Variants in PODN observed in about 807,000 individuals in gnomAD.
PODN encodes podocan proteoglycan.
PODN carries 40 observed loss-of-function variants against 52.7 expected under a neutral mutation model. That is an observed-to-expected ratio of 0.76 (90% CI 0.59 to 0.99). The LOEUF is 0.99. Ranked by LOEUF, PODN falls within the 50% of genes least tolerant of loss-of-function variation. The probability of loss-of-function intolerance (pLI) is 0.00; values close to 1 mark genes in which losing one functional copy is unlikely to be tolerated. For synonymous variants in PODN, 396 were observed against 377.9 expected, an observed-to-expected ratio of 1.05 and a Z score of -0.56; for missense variants, 720 against 815.1, an observed-to-expected ratio of 0.88 and a Z score of 1.42.
At chr1:53,081,369 G>T (rs781538698) in intron 9 of PODN, among the ~76,000 whole-genome samples, 1 of 152,204 alleles carries the variant, frequency 6.6e-6, no homozygotes, top group Non-Finnish European at 1.5e-5. Context: ...CACAATCCCT[G>T]CCCCCAAATC....
intron 1 of PODN, among the ~76,000 whole-genome samples, chr1:53,066,492 G>T (rs1426522008): frequency 6.6e-6 from 1 of 152,062 alleles, no homozygotes; most frequent in Admixed American, 6.5e-5. Context: ...ATCTCCATGT[G>T]GACCAGCCAC....
intron 1 of PODN, among the ~76,000 whole-genome samples, chr1:53,064,027 C>T (rs977696284): frequency 4.6e-5 from 7 of 152,218 alleles, no homozygotes; most frequent in Non-Finnish European, 8.8e-5. Context: ...GGAGAACTCC[C>T]GCTCAGTCTT....
At position 53,077,612 on chromosome 1, in the gene PODN, C is replaced by T. The variant is rs1644214661; in HGVS notation, c.739-73C>T. ...TGGTGGCTTCCCAGACTCCTCTCCACACCTCATCCCGAGGCCCTGACCTTG... is the reference window on the plus strand; with the variant it reads ...TGGTGGCTTCCCAGACTCCTCTCCATACCTCATCCCGAGGCCCTGACCTTG... On this transcript the variant is annotated intron_variant, in intron 6 of 10. Coordinates refer to ENST00000312553, the MANE Select transcript of PODN (RefSeq NM_153703.5). The T allele has an allele frequency of 5.6e-6, 8 of 1,423,472 alleles. No homozygotes were observed. In the South Asian group the frequency reaches 6.5e-5, roughly 11 times the overall value. The allele number at this position is 1,423,472 out of a possible 1,614,324, so 88.2% of individuals were successfully genotyped here.
chr1:53,063,188 G>A (rs1643984202), intron 1 of PODN, among the ~76,000 whole-genome samples: 1 of 152,230 alleles, frequency 6.6e-6, no homozygotes, highest in Non-Finnish European at 1.5e-5. Context: ...AGCCTCGGGG[G>A]CTGGGGCTAG....
At position 53,064,326 on chromosome 1, in the gene PODN, G is replaced by T. The variant is rs528139125; in HGVS notation, c.-56+2018G>T. On this transcript the variant is annotated intron_variant, in intron 1 of 10. Coordinates refer to ENST00000312553, the MANE Select transcript of PODN (RefSeq NM_153703.5). ...GAAACACCCTAACCCAGCCAAGGGGGCAGGAGAGGCTTCCCTGAGCAGGGG... is the reference window on the plus strand; with the variant it reads ...GAAACACCCTAACCCAGCCAAGGGGTCAGGAGAGGCTTCCCTGAGCAGGGG... Among the ~76,000 whole-genome samples, 33 of 152,360 alleles carry T rather than the reference G, an allele frequency of 2.2e-4. No homozygotes were observed. The South Asian group carries it at 6.4e-3, about 30-fold the overall frequency.
At chr1:53,075,646 T>C (rs1379174293) in intron 4 of PODN, among the ~76,000 whole-genome samples, 3 of 152,174 alleles carry the variant, frequency 2.0e-5, no homozygotes, top group Non-Finnish European at 2.9e-5. Context: ...AGGGGACAAG[T>C]CCTGAGGGCC....
At chr1:53,079,999 T>TAAA (rs5774134) in intron 8 of PODN, among the ~76,000 whole-genome samples, 1 of 106,150 alleles carries the variant, frequency 9.4e-6, no homozygotes, top group Admixed American at 1.0e-4. Context: ...TGTCTCAAAT[T>TAAA]AAAAAAAAAA....
At chr1:53,070,428 G>T (rs1460103848) in intron 2 of PODN, among the ~76,000 whole-genome samples, 2 of 152,230 alleles carry the variant, frequency 1.3e-5, no homozygotes, top group Non-Finnish European at 2.9e-5. Context: ...TCCAGGCTGG[G>T]CCCAGTAAGT....
At chr1:53,078,179 G>T (rs369129867) in intron 7 of PODN, among the ~76,000 whole-genome samples, 186 bp from the exon 8 acceptor site, 1 of 152,154 alleles carries the variant, frequency 6.6e-6, no homozygotes, top group Non-Finnish European at 1.5e-5. Flanking sequence ...AGAAAATGCC[G>T]GATCCTTCCT....
rs377622392 is a variant in PODN at position 53,077,357 on chromosome 1, G to A, written c.738+11G>A. On this transcript the variant is annotated intron_variant, in intron 6 of 10. Transcript: ENST00000312553. ...AAGCTGCACCTCAAGGTGGGCAGGG[G>A]AGGGGTAAGGAGGGGCACAGCAGAC... 19 of 1,612,168 alleles carry A rather than the reference G, an allele frequency of 1.2e-5. No individual in the cohort carries two copies. The highest frequency in any genetic ancestry group is 1.5e-5 in the Non-Finnish European group (18 of 1,179,602).
In PODN at chr1:53,082,102, T is replaced by C. The variant is rs142374373; in HGVS notation, c.1783T>C (p.Leu595=). 127 of 1,613,308 alleles carry C rather than the reference T, an allele frequency of 7.9e-5. No individual in the cohort carries two copies. The highest frequency in any genetic ancestry group is 1.0e-4 in the Non-Finnish European group (121 of 1,179,878). Reference sequence around the variant, plus strand: ...TGACATTTCCAAGGACCGTGGCCGCTTGGGGAAGGAAAAGGAGGAGGAGGA... The same window carrying C: ...TGACATTTCCAAGGACCGTGGCCGCCTGGGGAAGGAAAAGGAGGAGGAGGA... ...FGDISKDRGR[L]GKEKEEEEEE... Residue 595 remains leucine, a synonymous_variant, in exon 10 of 11, where the codon TTG becomes CTG. Transcript: ENST00000312553.
rs369421375 is a variant in PODN, at chr1:53,080,106, C to T, written c.1513-622C>T. On this transcript the variant is annotated intron_variant, in intron 8 of 10. Coordinates refer to ENST00000312553, the MANE Select transcript of PODN (RefSeq NM_153703.5). Reference sequence around the variant, plus strand: ...TGGCTTCAGCGGCTCCCTGTGGGAACCCACTTTCCTGACTGCCCTCCCCTG... The same window carrying T: ...TGGCTTCAGCGGCTCCCTGTGGGAATCCACTTTCCTGACTGCCCTCCCCTG... Among the ~76,000 whole-genome samples the T allele has an allele frequency of 2.6e-5, 4 of 152,278 alleles. 1 individual carries two copies. Among genetic ancestry groups the T allele is most frequent in the African/African-American group, 9.6e-5 (4 of 41,544 alleles).
intron 1 of PODN, among the ~76,000 whole-genome samples, chr1:53,068,636 C>T (rs1233504224): frequency 3.9e-5 from 6 of 152,252 alleles, no homozygotes; most frequent in South Asian, 4.1e-4. Flanking sequence ...GTACAGACAA[C>T]GAAACTGAGG....
chr1:53,077,503 G>A lies in PODN; in HGVS notation c.738+157G>A, dbSNP rs1160763475. ...CAAGGAGTCTACTGTGGAGAAGTGG[G>A]CAGAAACCCGGGCACCTGGCCAGTG... On this transcript the variant is annotated intron_variant, in intron 6 of 10. Transcript: ENST00000312553. Among the ~76,000 whole-genome samples the A allele has an allele frequency of 1.8e-4, 27 of 152,180 alleles. 1 individual carries two copies. The highest frequency in any genetic ancestry group is 1.8e-3 in the Admixed American group (27 of 15,290).
chr1:53,074,796 A>G (rs1572268207), intron 4 of PODN, 126 bp downstream of exon 4: 19 of 296,122 alleles, frequency 6.4e-5, no homozygotes, highest in South Asian at 1.5e-4. Context: ...CTGCTCAGAC[A>G]TGGCCCTGGG....
chr1:53,066,993 A>G (rs1433687299), intron 1 of PODN: 1 of 939,186 alleles, frequency 1.1e-6, no homozygotes, highest in Non-Finnish European at 1.6e-6. Flanking sequence ...CCCGGACTAC[A>G]GTGGGGTCAG....
chr1:53,084,093 GAGCT>G (rs1644330193), intron 10 of PODN, among the ~76,000 whole-genome samples: 1 of 152,120 alleles, frequency 6.6e-6, no homozygotes, highest in Non-Finnish European at 1.5e-5. Context: ...GCAAGAGGCT[GAGCT>G]TGGGGGTCAC....
In PODN at chr1:53,082,093, C is replaced by T. The variant is rs768129402; in HGVS notation, c.1774C>T (p.Arg592Cys). The T allele has an allele frequency of 8.7e-6, 14 of 1,613,660 alleles. No individual in the cohort carries two copies. The South Asian group carries it at 8.8e-5, about 10-fold the overall frequency. ...AGAGTTTGGTGACATTTCCAAGGACCGTGGCCGCTTGGGGAAGGAAAAGGA... is the reference window on the plus strand; with the variant it reads ...AGAGTTTGGTGACATTTCCAAGGACTGTGGCCGCTTGGGGAAGGAAAAGGA... ...NLEFGDISKDRGRLGKEKEEE... is the reference protein window; with the variant it reads ...NLEFGDISKDCGRLGKEKEEE... The change falls in exon 10 of 11, where the codon CGT becomes TGT. Residue 592 changes from arginine to cysteine, a missense_variant. Coordinates refer to ENST00000312553, the MANE Select transcript of PODN (RefSeq NM_153703.5).
At chr1:53,075,632 GGGCAGGGGACAA>G (rs1644182972) in intron 4 of PODN, among the ~76,000 whole-genome samples, 1 of 152,186 alleles carries the variant, frequency 6.6e-6, no homozygotes. Flanking sequence ...AGGACGGGCA[GGGCAGGGGACAA>G]GTCCTGAGGG....
Sources: gnomAD v4.1 joint callset for allele counts (sites outside exome capture counted in the v4.1 genomes callset) on GRCh38, gnomAD v4.1.1 for gene constraint, MANE v1.5 for transcripts, NCBI Gene and HGNC (gene_info 2026-07-23, HGNC 2026-07-21) for gene names.